ESR1: variants seen among roughly 807,000 people sequenced by gnomAD.
The protein encoded by ESR1 is estrogen receptor.
Under a neutral mutation model 52.7 loss-of-function variants are expected in ESR1, and 12 were observed. That is an observed-to-expected ratio of 0.23 (90% confidence interval 0.15 to 0.37). The LOEUF is 0.37. Among genes scored for constraint, ESR1 ranks in the 10% least tolerant of loss-of-function variants. The pLI is 1.00. For synonymous variants in ESR1, 305 were observed against 316.8 expected (o/e 0.96, Z 0.39); for missense variants, 584 against 779.7 (o/e 0.75, Z 2.99).
chr6:152,028,341 C>T (rs553944094), intron 5 of ESR1, among the ~76,000 whole-genome samples: 6 of 152,274 alleles, frequency 3.9e-5, no homozygotes, highest in South Asian at 4.1e-4. Flanking sequence ...CGAAGCAGAG[C>T]GAGGCATCGC....
intron 4 of ESR1, among the ~76,000 whole-genome samples, chr6:152,008,388 C>T (rs142218458): frequency 1.6e-3 from 247 of 152,144 alleles, no homozygotes; most frequent in African/African-American, 5.7e-3. Context: ...TCGAGCAATC[C>T]GGCTGGCCTC....
intron 2 of ESR1, among the ~76,000 whole-genome samples, chr6:151,709,330 T>G (rs1005686216): frequency 3.3e-5 from 5 of 152,246 alleles, no homozygotes; most frequent in Non-Finnish European, 7.3e-5. Context: ...TTTTTAAGGC[T>G]GAATGGTATT....
intron 2 of ESR1, among the ~76,000 whole-genome samples, chr6:151,747,165 A>G (rs1445496455): frequency 6.6e-6 from 1 of 152,216 alleles, no homozygotes; most frequent in Non-Finnish European, 1.5e-5. Flanking sequence ...TTAGTCAATT[A>G]GTAGTTCATA....
intron 5 of ESR1, among the ~76,000 whole-genome samples, chr6:152,014,893 C>A (rs1431607772): frequency 6.6e-6 from 1 of 152,022 alleles, no homozygotes; most frequent in African/African-American, 2.4e-5. Flanking sequence ...CATGGAGAAA[C>A]CCCATCTCTA....
chr6:152,038,192 CA>C, intron 5 of ESR1, among the ~76,000 whole-genome samples: 1 of 152,182 alleles, frequency 6.6e-6, no homozygotes, highest in African/African-American at 2.4e-5. Context: ...AAGCATCCGT[CA>C]TGGGAGAAAG....
intron 6 of ESR1, chr6:152,122,546 C>G: frequency 6.2e-7 from 1 of 1,614,220 alleles, no homozygotes; most frequent in Non-Finnish European, 8.5e-7. Flanking sequence ...ACAAGGCAGG[C>G]AAGCCCGATG....
chr6:151,912,698 C>T (rs1798454148), intron 3 of ESR1, among the ~76,000 whole-genome samples: 1 of 152,066 alleles, frequency 6.6e-6, no homozygotes, highest in East Asian at 1.9e-4. Flanking sequence ...GAATATCGAC[C>T]TTAATATTCT....
At chr6:152,117,396 T>C (rs1265795277) in intron 6 of ESR1, among the ~76,000 whole-genome samples, 1 of 152,194 alleles carries the variant, frequency 6.6e-6, no homozygotes, top group African/African-American at 2.4e-5. Context: ...AGCAGGGAGA[T>C]CTGGATTTCT....
rs940248501 is a variant in ESR1 at position 151,702,341 on chromosome 6, C to CT, written c.-71+345dup. Among the ~76,000 whole-genome samples the CT allele has an allele frequency of 1.4e-4, 21 of 151,470 alleles. No individual in the cohort carries two copies. In the South Asian group the frequency reaches 1.9e-3, roughly 14 times the overall value. The stretch of plus-strand genomic sequence containing the variant: ...CCACTCTAAGTAGGGAAAATCCAAG[C>CT]TTTTTTTTTCTTAAGAAAGAGCTTT... On this transcript the variant is annotated intron_variant, in intron 2 of 2. Transcript: ENST00000404742.
chr6:151,664,564 C>G (rs1777752805), intron 1 of ESR1, among the ~76,000 whole-genome samples: 1 of 152,174 alleles, frequency 6.6e-6, no homozygotes, highest in African/African-American at 2.4e-5. Context: ...TCCCTACTTT[C>G]CAGCCCATCT....
chr6:151,785,342 C>T (rs191594234), intron 2 of ESR1, among the ~76,000 whole-genome samples: 2 of 152,236 alleles, frequency 1.3e-5, no homozygotes, highest in East Asian at 3.9e-4. Context: ...GGGAAGGAAC[C>T]AGTTCTGCCA....
intron 1 of ESR1, among the ~76,000 whole-genome samples, chr6:151,685,028 G>C (rs1272569788): frequency 6.7e-6 from 1 of 149,984 alleles, no homozygotes; most frequent in Non-Finnish European, 1.5e-5. Context: ...AAATTCCGGA[G>C]TTTGTGCAAG....
intron 5 of ESR1, among the ~76,000 whole-genome samples, chr6:152,030,264 C>T (rs1350187938): frequency 6.6e-6 from 1 of 152,132 alleles, no homozygotes; most frequent in Non-Finnish European, 1.5e-5. Flanking sequence ...ATCATAATGA[C>T]AGGATCAAAT....
At chr6:151,730,939 AATC>A (rs1392822346) in intron 2 of ESR1, among the ~76,000 whole-genome samples, 1 of 152,182 alleles carries the variant, frequency 6.6e-6, no homozygotes, top group Admixed American at 6.5e-5. Flanking sequence ...GCATACAACT[AATC>A]ATAAAAAAGA....
At chr6:152,063,518 A>G (rs940969376) in intron 6 of ESR1, among the ~76,000 whole-genome samples, 3 of 152,230 alleles carry the variant, frequency 2.0e-5, no homozygotes, top group East Asian at 3.8e-4. Flanking sequence ...AAACAGCATC[A>G]AAGAGGGCAA....
rs2128529717 is a variant in ESR1, at chr6:151,944,501, G to A, written c.1089G>A (p.Arg363=). The change falls in exon 4 of 8, where the codon AGG becomes AGA. Residue 363 remains arginine (R), a synonymous_variant. Coordinates refer to ENST00000206249, the MANE Select transcript of ESR1 (RefSeq NM_000125.4). ...TTCACATGATCAACTGGGCGAAGAGGGTGCCAGGTAAGAATGCGAAGCGCA... is the reference window on the plus strand; with the variant it reads ...TTCACATGATCAACTGGGCGAAGAGAGTGCCAGGTAAGAATGCGAAGCGCA... The part of the protein sequence containing the change: ...ELVHMINWAK[R]VPGFVDLTLH... The A allele has an allele frequency of 1.2e-6, 2 of 1,614,154 alleles. No individual in the cohort carries two copies. The highest frequency in any genetic ancestry group is 1.7e-6 in the Non-Finnish European group (2 of 1,180,016).
intron 4 of ESR1, among the ~76,000 whole-genome samples, chr6:151,968,106 A>C (rs557684266): frequency 1.9e-4 from 29 of 152,284 alleles, no homozygotes; most frequent in African/African-American, 6.5e-4. Flanking sequence ...GAGGCCTCAG[A>C]AATAACACCA....
intron 5 of ESR1, among the ~76,000 whole-genome samples, chr6:152,018,180 T>C (rs1378852771): frequency 6.6e-6 from 1 of 152,048 alleles, no homozygotes; most frequent in African/African-American, 2.4e-5. Context: ...AACATTTGCC[T>C]CTTCTACTAA....
chr6:151,954,380 G>A (rs2036668684), intron 4 of ESR1, among the ~76,000 whole-genome samples: 1 of 152,194 alleles, frequency 6.6e-6, no homozygotes, highest in African/African-American at 2.4e-5. Flanking sequence ...TCACTTAGCT[G>A]TATCTAGCAA....
Sources: gnomAD v4.1 joint callset for allele counts (sites outside exome capture counted in the v4.1 genomes callset) on GRCh38, gnomAD v4.1.1 for gene constraint, MANE v1.5 for transcripts, NCBI Gene and HGNC (gene_info 2026-07-23, HGNC 2026-07-21) for gene names.